IL1R1: variants seen among roughly 807,000 people sequenced by gnomAD.
The protein encoded by IL1R1 is interleukin-1 receptor type 1.
IL1R1 carries 22 observed loss-of-function variants against 50.2 expected under a neutral mutation model. That is an observed-to-expected ratio of 0.44 (90% CI 0.31 to 0.63). IL1R1 has a LOEUF of 0.63. Among genes scored for constraint, IL1R1 ranks in the 20% least tolerant of loss-of-function variants. The pLI, the probability that IL1R1 is intolerant of heterozygous loss-of-function variation, is 0.07. For synonymous variants in IL1R1, 251 were observed against 236.7 expected, an observed-to-expected ratio of 1.06 and a Z score of -0.55; for missense variants, 509 against 676.2, an observed-to-expected ratio of 0.75 and a Z score of 2.74.
At position 102,071,837 on chromosome 2, in the gene IL1R1, C is replaced by T. The variant is rs765849022; in HGVS notation, c.-84+1304C>T. On this transcript the variant is annotated intron_variant, in intron 1 of 11. Coordinates refer to the IL1R1 transcript ENST00000409929. ...CCACCCTGGTTGAACCCCATGGTGC[C>T]GGTGTCCTCTCCTAGACCAGTGGCT... 5.9e-5 allele frequency among the ~76,000 whole-genome samples: 9 copies of T among 152,294 alleles called. No individual in the cohort carries two copies. The South Asian group carries it at 8.3e-4, about 14-fold the overall frequency.
intron 7 of IL1R1, 60 bp downstream of exon 7, chr2:102,168,723 T>G: frequency 1.7e-6 from 2 of 1,172,470 alleles, no homozygotes; most frequent in Non-Finnish European, 2.5e-6. Context: ...AACATAAGAG[T>G]AAGATAAATT....
intron 1 of IL1R1, among the ~76,000 whole-genome samples, chr2:102,090,337 A>G (rs1315518335): frequency 6.6e-6 from 1 of 152,080 alleles, no homozygotes; most frequent in Non-Finnish European, 1.5e-5. Context: ...GGAATTTGCT[A>G]AGCCCCATGA....
chr2:102,071,045 TA>T (rs1010675501), intron 1 of IL1R1, among the ~76,000 whole-genome samples: 16 of 151,058 alleles, frequency 1.1e-4, no homozygotes, highest in African/African-American at 2.2e-4. Flanking sequence ...TGATCTTATG[TA>T]AAAAAAAACA....
At chr2:102,103,273 C>T (rs189095146), upstream of IL1R1, among the ~76,000 whole-genome samples, 11 of 152,212 alleles carry the variant, frequency 7.2e-5, no homozygotes, top group South Asian at 2.1e-4. Flanking sequence ...GGTTCAGAGT[C>T]GGGAAAATCA....
chr2:102,139,136 A>G (rs1037767303), upstream of IL1R1, among the ~76,000 whole-genome samples: 6 of 151,990 alleles, frequency 3.9e-5, no homozygotes, highest in African/African-American at 1.5e-4. Context: ...GTGTCCCGGG[A>G]GGGGTTCTGG....
chr2:102,170,155 T>C (rs1220417659), intron 7 of IL1R1, among the ~76,000 whole-genome samples: 1 of 152,204 alleles, frequency 6.6e-6, no homozygotes, highest in Non-Finnish European at 1.5e-5. Context: ...CAGAAGCATA[T>C]AGTACCCTGT....
intron 1 of IL1R1, among the ~76,000 whole-genome samples, chr2:102,092,278 G>A (rs1187921140): frequency 1.3e-5 from 2 of 151,984 alleles, no homozygotes. Flanking sequence ...CGGGAGGCTG[G>A]CAATCATCAA....
upstream of IL1R1, among the ~76,000 whole-genome samples, chr2:102,140,681 G>C (rs1237938309): frequency 6.6e-6 from 1 of 152,184 alleles, no homozygotes. Context: ...CCTTACGGAA[G>C]CCTCCTACCC....
At chr2:102,148,178 G>A (rs1683319120) in intron 1 of IL1R1, among the ~76,000 whole-genome samples, 1 of 152,182 alleles carries the variant, frequency 6.6e-6, no homozygotes, top group African/African-American at 2.4e-5. Context: ...TAATCTCCAC[G>A]AGATGGAAAC....
chr2:102,104,946 C>G (rs1461694321), intron 1 of IL1R1: 2 of 152,056 alleles, frequency 1.3e-5, no homozygotes, highest in Non-Finnish European at 2.9e-5. Context: ...TTTACTTACA[C>G]ATTAATGAGG....
chr2:102,103,898 C>T (rs904033989), upstream of IL1R1, among the ~76,000 whole-genome samples: 11 of 145,992 alleles, frequency 7.5e-5, no homozygotes, highest in African/African-American at 1.8e-4. Context: ...GGCTGAGGCA[C>T]GAGAATCACT....
intron 1 of IL1R1, among the ~76,000 whole-genome samples, chr2:102,134,553 T>G (rs886276185): frequency 6.6e-6 from 1 of 152,104 alleles, no homozygotes; most frequent in Non-Finnish European, 1.5e-5. Context: ...TAATTTTGTA[T>G]TTTTAGTAGA....
chr2:102,100,587 C>T (rs551798517), upstream of IL1R1, among the ~76,000 whole-genome samples: 42 of 152,322 alleles, frequency 2.8e-4, no homozygotes, highest in Non-Finnish European at 5.9e-4. Context: ...CATCTAACAA[C>T]CTCATCAAAC....
At chr2:102,103,312 G>C (rs917625229), upstream of IL1R1, among the ~76,000 whole-genome samples, 1 of 152,074 alleles carries the variant, frequency 6.6e-6, no homozygotes, top group Non-Finnish European at 1.5e-5. Context: ...GGGTCTGCTT[G>C]AGCAAATGGC....
chr2:102,070,503 G>C (rs1020604118), exon 1 of IL1R1: 1 of 152,280 alleles, frequency 6.6e-6, no homozygotes, highest in African/African-American at 2.4e-5. Context: ...GACTGCCAAG[G>C]CTCCTTCTCA....
upstream of IL1R1, chr2:102,142,740 C>T (rs977429882): frequency 1.3e-5 from 2 of 150,428 alleles, no homozygotes; most frequent in Admixed American, 6.6e-5. Context: ...CAGAGCCGCG[C>T]CCGGCAGTTC....
chr2:102,129,674 G>T (rs887155973), intron 1 of IL1R1, among the ~76,000 whole-genome samples: 2 of 152,202 alleles, frequency 1.3e-5, no homozygotes, highest in Admixed American at 1.3e-4. Flanking sequence ...AGCTGTTGAC[G>T]AGGGTGCCCC....
exon 1 of IL1R1, chr2:102,104,634 G>A (rs1680300386): frequency 6.6e-6 from 1 of 152,206 alleles, no homozygotes; most frequent in African/African-American, 2.4e-5. Flanking sequence ...TCCTTCCTTT[G>A]AGCCTCCGTA....
Position 102,098,568 on chromosome 2 carries a change from G to T in IL1R1, c.-84+28035G>T, listed in dbSNP as rs111547525. Among the ~76,000 whole-genome samples the T allele has an allele frequency of 8.0e-3, 1,224 of 152,214 alleles. 9 individuals carry two copies. The highest frequency in any genetic ancestry group is 0.024 in the Middle Eastern group (7 of 294). On this transcript the variant is annotated intron_variant, in intron 1 of 11. Coordinates refer to the IL1R1 transcript ENST00000409929. The stretch of plus-strand genomic sequence containing the variant: ...ACAGTCAAGAATTCTGGAATAAGTT[G>T]TGTTTCATCAAATCCCTATTTAATT...
Sources: allele counts gnomAD v4.1 joint callset (sites outside exome capture counted in the v4.1 genomes callset), GRCh38; gene constraint gnomAD v4.1.1; transcripts MANE v1.5; gene names NCBI Gene and HGNC (gene_info 2026-07-23, HGNC 2026-07-21).